The following FSTL4 variants were observed in gnomAD, a reference collection of about 807,000 sequenced individuals.
FSTL4 encodes the protein follistatin-related protein 4.
Under a neutral mutation model 78.2 loss-of-function variants are expected in FSTL4, and 28 were observed. The observed-to-expected ratio is 0.36, with a 90% confidence interval of 0.27 to 0.49. The LOEUF is 0.49. Ranked by LOEUF, FSTL4 falls within the 20% of genes least tolerant of loss-of-function variation. FSTL4 has a pLI of 0.98. For synonymous variants in FSTL4, 422 were observed against 440.5 expected (o/e 0.96, Z 0.53); for missense variants, 922 against 1,084.9 (o/e 0.85, Z 2.11).
the FSTL4 span, among the ~76,000 whole-genome samples, chr5:133,664,399 C>A: frequency 6.6e-6 from 1 of 152,178 alleles, no homozygotes; most frequent in Non-Finnish European, 1.5e-5. Context: ...TCTCACCCCA[C>A]CACAGAAGAT....
chr5:133,725,223 A>G, the FSTL4 span, among the ~76,000 whole-genome samples: 1 of 152,222 alleles, frequency 6.6e-6, no homozygotes. Flanking sequence ...TTTTCATAAA[A>G]AATTTAGAAT....
chr5:133,553,453 G>A (rs1000156489), intron 3 of FSTL4, among the ~76,000 whole-genome samples: 7 of 152,270 alleles, frequency 4.6e-5, no homozygotes, highest in African/African-American at 1.4e-4. Context: ...CAAGACACAG[G>A]GACATCCCAC....
intron 2 of FSTL4, among the ~76,000 whole-genome samples, chr5:133,601,953 G>A (rs923589186): frequency 9.9e-5 from 15 of 151,796 alleles, no homozygotes; most frequent in African/African-American, 3.6e-4. Flanking sequence ...CAAACTGCTT[G>A]GATTATTAGG....
chr5:133,222,114 G>A (rs1751155603), intron 11 of FSTL4, among the ~76,000 whole-genome samples: 1 of 151,446 alleles, frequency 6.6e-6, no homozygotes, highest in Non-Finnish European at 1.5e-5. Context: ...TTGAACAAGG[G>A]GCTGACTCTA....
At chr5:133,799,227 C>T in the FSTL4 span, among the ~76,000 whole-genome samples, 5 of 137,522 alleles carry the variant, frequency 3.6e-5, 1 homozygote, top group Non-Finnish European at 6.5e-5. Context: ...CCCAGCACCC[C>T]GTGGGCACCA....
At chr5:133,438,677 G>A (rs1054000118) in intron 3 of FSTL4, among the ~76,000 whole-genome samples, 3 of 152,210 alleles carry the variant, frequency 2.0e-5, no homozygotes, top group African/African-American at 4.8e-5. Flanking sequence ...AGGCTGAAGT[G>A]CAAATTCATC....
chr5:133,529,975 T>C (rs1368205087), intron 3 of FSTL4, among the ~76,000 whole-genome samples: 1 of 152,290 alleles, frequency 6.6e-6, no homozygotes, highest in South Asian at 2.1e-4. Context: ...ATTTCTCTTT[T>C]CTAAGGCAGC....
At chr5:133,669,414 G>A in the FSTL4 span, among the ~76,000 whole-genome samples, 1 of 152,328 alleles carries the variant, frequency 6.6e-6, no homozygotes, top group South Asian at 2.1e-4. Context: ...GCTCAGGAGG[G>A]CAACATGCTC....
At chr5:133,524,630 T>C (rs910261765) in intron 3 of FSTL4, among the ~76,000 whole-genome samples, 6 of 152,198 alleles carry the variant, frequency 3.9e-5, no homozygotes, top group Non-Finnish European at 5.9e-5. Context: ...GGACCCGTAC[T>C]TGCAATACTA....
At chr5:133,841,636 A>AC in the FSTL4 span, among the ~76,000 whole-genome samples, 1 of 152,200 alleles carries the variant, frequency 6.6e-6, no homozygotes, top group Non-Finnish European at 1.5e-5. Flanking sequence ...AGAGGACGGT[A>AC]AGGCTCAGAG....
chr5:133,412,449 G>C (rs911797090), intron 3 of FSTL4, among the ~76,000 whole-genome samples: 1 of 152,150 alleles, frequency 6.6e-6, no homozygotes, highest in Non-Finnish European at 1.5e-5. Context: ...GGGGCAACCT[G>C]CTATCCACCT....
At chr5:133,824,547 A>C in the FSTL4 span, among the ~76,000 whole-genome samples, 1 of 152,198 alleles carries the variant, frequency 6.6e-6, no homozygotes, top group African/African-American at 2.4e-5. Context: ...ATTTCACAGT[A>C]TCAGAGTACC....
chr5:133,820,326 G>A, the FSTL4 span, among the ~76,000 whole-genome samples: 2 of 152,304 alleles, frequency 1.3e-5, no homozygotes, highest in Admixed American at 6.5e-5. Flanking sequence ...GGAACTTCAA[G>A]GCAAATTCCC....
In FSTL4 at chr5:133,360,111, G is replaced by A. The variant is rs111684086; in HGVS notation, c.409+40627C>T. On this transcript the variant is annotated intron_variant, in intron 4 of 15. Coordinates refer to ENST00000265342, the MANE Select transcript of FSTL4 (RefSeq NM_015082.2). ...GGCCTCCCTTCCCTGCAGGGCTGGG[G>A]CCTTCATGGGAACACACCCTGTCCC... Among the ~76,000 whole-genome samples, 265 of 152,304 alleles carry A rather than the reference G, an allele frequency of 1.7e-3. 2 individuals carry two copies. The highest frequency in any genetic ancestry group is 6.1e-3 in the African/African-American group (252 of 41,564).
chr5:133,793,355 G>A, the FSTL4 span, among the ~76,000 whole-genome samples: 1 of 152,258 alleles, frequency 6.6e-6, no homozygotes, highest in Non-Finnish European at 1.5e-5. Flanking sequence ...GGGGCTTAGA[G>A]CTGGTGCAAA....
In FSTL4 at chr5:133,201,938, G is replaced by T; in HGVS notation, c.1821C>A (p.His607Gln). ...FIPPTNLIIN[H>Q]IRFGFIFNKS... ...GCATCATGGGCCAGTCTCACCTGAT[G>T]TGGTTGATGATGAGGTTTGTTGGGG... The change falls in exon 15 of 16, where the codon CAC becomes CAA. Residue 607 changes from histidine (H) to glutamine (Q), a missense_variant. Coordinates refer to ENST00000265342, the MANE Select transcript of FSTL4 (RefSeq NM_015082.2). 1.9e-6 allele frequency: 3 copies of T among 1,587,260 alleles called. No individual in the cohort carries two copies. The highest frequency in any genetic ancestry group is 2.6e-6 in the Non-Finnish European group (3 of 1,159,394).
chr5:133,645,003 T>C, the FSTL4 span, among the ~76,000 whole-genome samples: 1 of 152,234 alleles, frequency 6.6e-6, no homozygotes, highest in East Asian at 1.9e-4. Flanking sequence ...TGTTATTTCC[T>C]CCCCTGTCCC....
intron 3 of FSTL4, among the ~76,000 whole-genome samples, chr5:133,504,396 T>C (rs1482621721): frequency 6.6e-6 from 1 of 152,198 alleles, no homozygotes; most frequent in African/African-American, 2.4e-5. Flanking sequence ...ATGCCTACCA[T>C]TGTACTATTC....
intron 6 of FSTL4, among the ~76,000 whole-genome samples, chr5:133,280,295 A>T (rs1213773294): frequency 6.6e-6 from 1 of 152,130 alleles, no homozygotes; most frequent in Admixed American, 6.5e-5. Flanking sequence ...GGCAAGTGGC[A>T]GGTGGGTATG....
Sources: gnomAD v4.1 joint callset for allele counts (sites outside exome capture counted in the v4.1 genomes callset) on GRCh38, gnomAD v4.1.1 for gene constraint, MANE v1.5 for transcripts, NCBI Gene and HGNC (gene_info 2026-07-23, HGNC 2026-07-21) for gene names.